The following OSBPL5 variants were observed in gnomAD, a reference collection of about 807,000 sequenced individuals.
The protein encoded by OSBPL5 is oxysterol-binding protein-related protein 5.
A neutral mutation model predicts 111.2 loss-of-function variants in OSBPL5; 71 were observed. The observed-to-expected ratio is 0.64, with a 90% confidence interval of 0.53 to 0.78. The LOEUF is 0.78. Among genes scored for constraint, OSBPL5 ranks in the 30% least tolerant of loss-of-function variants. OSBPL5 has a pLI of 0.00. For missense variants in OSBPL5, 1,210 were observed against 1,189.3 expected (o/e 1.02, Z -0.26); for synonymous variants, 549 against 513.9 (o/e 1.07, Z -0.93).
chr11:3,117,630 T>A (rs1336377646), intron 7 of OSBPL5, among the ~76,000 whole-genome samples: 1 of 152,238 alleles, frequency 6.6e-6, no homozygotes, highest in Non-Finnish European at 1.5e-5. Context: ...ACAGCTGTTG[T>A]TAGATTCTAC....
Position 3,126,681 on chromosome 11 carries a change from G to A in OSBPL5, c.137-126C>T, listed in dbSNP as rs1407786692. ...ACCTGGGAGGGGCAGGAAGTCAGCCGGAGGTGGTGGCAGGAACAGGACACT... is the reference window on the plus strand; with the variant it reads ...ACCTGGGAGGGGCAGGAAGTCAGCCAGAGGTGGTGGCAGGAACAGGACACT... On this transcript the variant is annotated intron_variant, in intron 2 of 21. Coordinates refer to ENST00000263650, the MANE Select transcript of OSBPL5 (RefSeq NM_020896.4). This position sits in a 1 kb window ranked among gnomAD's most constrained non-coding sequence, Gnocchi z 6.5. The A allele has an allele frequency of 5.7e-6, 4 of 697,874 alleles. No individual in the cohort carries two copies. The highest frequency in any genetic ancestry group is 3.9e-5 in the South Asian group (2 of 51,326). 43.2% of individuals were successfully genotyped at this position (697,874 alleles called of 1,614,324 possible).
In OSBPL5 at chr11:3,106,076, C is replaced by T. The variant is rs1441827928; in HGVS notation, c.1059+1187G>A. Reference sequence around the variant, plus strand: ...CTCAGCCTGAGGCCCCCAGGGCCCTCGGTCCACTCCCCATAGGCCCATCCT... The same window carrying T: ...CTCAGCCTGAGGCCCCCAGGGCCCTTGGTCCACTCCCCATAGGCCCATCCT... On this transcript the variant is annotated intron_variant, in intron 9 of 21. Coordinates refer to ENST00000263650, the MANE Select transcript of OSBPL5 (RefSeq NM_020896.4). This position sits in a 1 kb window ranked among gnomAD's most constrained non-coding sequence, Gnocchi z 8.4. Among the ~76,000 whole-genome samples, 2 of 152,024 alleles carry T rather than the reference C, an allele frequency of 1.3e-5. No homozygotes were observed. The highest frequency in any genetic ancestry group is 2.4e-5 in the African/African-American group (1 of 41,404).
chr11:3,107,168 T>G lies in OSBPL5; in HGVS notation c.1059+95A>C, dbSNP rs531116353. 2 of 1,412,014 alleles carry G rather than the reference T, an allele frequency of 1.4e-6. No individual in the cohort carries two copies. Among genetic ancestry groups the G allele is most frequent in the Non-Finnish European group, 1.9e-6 (2 of 1,045,242 alleles). 87.5% of individuals were successfully genotyped at this position (1,412,014 alleles called of 1,614,324 possible). ...CAAAAGCTACCCCCTGGGCCCTGCG[T>G]GCTCCCCCTAGGATGAGGCATGGCT... On this transcript the variant is annotated intron_variant, in intron 9 of 21. Coordinates refer to ENST00000263650, the MANE Select transcript of OSBPL5 (RefSeq NM_020896.4). This position sits in a 1 kb window ranked among gnomAD's most constrained non-coding sequence, Gnocchi z 6.1.
At position 3,126,092 on chromosome 11, in the gene OSBPL5, C is replaced by T. The variant is rs948209646; in HGVS notation, c.219+381G>A. Among the ~76,000 whole-genome samples the T allele has an allele frequency of 2.0e-5, 3 of 152,152 alleles. No individual in the cohort carries two copies. The highest frequency in any genetic ancestry group is 1.3e-4 in the Admixed American group (2 of 15,274). On this transcript the variant is annotated intron_variant, in intron 3 of 21. Transcript: ENST00000263650. The surrounding 1 kb of genome is among the most constrained non-coding windows in gnomAD (Gnocchi z 6.5). ...GGGTGGCCATGTAAGATGGTGCAGC[C>T]GCTGGGAAAGGAGTTTGGCAGTTCC... is the stretch of plus-strand genomic sequence containing the variant.
chr11:3,094,319 G>A lies in OSBPL5; in HGVS notation c.1637C>T (p.Thr546Met), dbSNP rs151056884. ...CTTCCCACCCAGCTCCAGGGTCATC[G>A]TGCCATACAGGATTCCTGAAATGCA... ...YAHCKGILYG[T>M]MTLELGGKVT... The change falls in exon 15 of 22, where the codon ACG becomes ATG. Residue 546 changes from threonine to methionine, a missense_variant. Transcript: ENST00000263650. 67 of 1,613,408 alleles carry A rather than the reference G, an allele frequency of 4.2e-5. 1 individual carries two copies. The East Asian group carries it at 4.7e-4, about 11-fold the overall frequency.
chr11:3,103,882 AGCCCCATTCCT>A (rs1564830886), intron 10 of OSBPL5, among the ~76,000 whole-genome samples: 1,144 of 15,134 alleles, frequency 0.076, 18 homozygotes, highest in Middle Eastern at 0.2. Flanking sequence ...CTGCCTCTGT[AGCCCCATTCCT>A]GCCTCTGCAG....
intron 21 of OSBPL5, among the ~76,000 whole-genome samples, chr11:3,089,516 G>C (rs921284779): frequency 2.0e-5 from 3 of 152,176 alleles, no homozygotes; most frequent in Admixed American, 6.5e-5. Flanking sequence ...CTGCCACCTC[G>C]CTCTGCACAC....
chr11:3,159,659 C>T (rs971558205), intron 1 of OSBPL5, among the ~76,000 whole-genome samples: 16 of 152,136 alleles, frequency 1.1e-4, no homozygotes, highest in African/African-American at 3.6e-4. Context: ...GAGGGTCTGC[C>T]GGCAGAGACA....
In OSBPL5 at chr11:3,130,200, G is replaced by A. The variant is rs1318278137; in HGVS notation, c.-21-1031C>T. On this transcript the variant is annotated intron_variant, in intron 1 of 21. Transcript: ENST00000263650. The surrounding 1 kb of genome is among the most constrained non-coding windows in gnomAD (Gnocchi z 4.5). ...GAGTGGAAGGCCTCGACCTGTAATC[G>A]TGACCTGACAAGGGTTGGCAGAGCA... Among the ~76,000 whole-genome samples the A allele has an allele frequency of 2.0e-5, 3 of 152,220 alleles. No homozygotes were observed. The highest frequency in any genetic ancestry group is 4.4e-5 in the Non-Finnish European group (3 of 68,040).
intron 6 of OSBPL5, chr11:3,120,082 G>A (rs1858349241): frequency 4.3e-6 from 2 of 470,084 alleles, no homozygotes. Context: ...ACCCGTTAGA[G>A]CTGGCAGGGC....
At chr11:3,089,142 T>G (rs997226797) in intron 21 of OSBPL5, among the ~76,000 whole-genome samples, 2 of 152,184 alleles carry the variant, frequency 1.3e-5, no homozygotes, top group Non-Finnish European at 2.9e-5. Flanking sequence ...CTTCTGGAAA[T>G]GCTTACACAG....
In OSBPL5 at chr11:3,121,394, T is replaced by C. The variant is rs540029787; in HGVS notation, c.402+603A>G. 1.1e-4 allele frequency among the ~76,000 whole-genome samples: 17 copies of C among 152,260 alleles called. No individual in the cohort carries two copies. Among genetic ancestry groups the C allele is most frequent in the Admixed American group, 3.9e-4 (6 of 15,290 alleles). On this transcript the variant is annotated intron_variant, in intron 5 of 21. Transcript: ENST00000263650. The surrounding 1 kb of genome is among the most constrained non-coding windows in gnomAD (Gnocchi z 4.3). ...TAAATTCTGAAAGTAGTTGTCTTCT[T>C]TTCTCATTCTAAATACTCACTTTTG...
At chr11:3,164,997 G>T (rs1304237306) in intron 1 of OSBPL5, among the ~76,000 whole-genome samples, 3 of 148,728 alleles carry the variant, frequency 2.0e-5, no homozygotes, top group Non-Finnish European at 4.4e-5. Context: ...AGGCTCCCGC[G>T]CTCCCCAGCT....
At chr11:3,155,904 C>T (rs1016760593) in intron 1 of OSBPL5, among the ~76,000 whole-genome samples, 1 of 152,256 alleles carries the variant, frequency 6.6e-6, no homozygotes. Flanking sequence ...GAACCTCAGC[C>T]GGACCCCACC....
At chr11:3,112,882 A>G (rs1349647703) in intron 7 of OSBPL5, among the ~76,000 whole-genome samples, 1 of 152,180 alleles carries the variant, frequency 6.6e-6, no homozygotes, top group Non-Finnish European at 1.5e-5. Context: ...TTAATATGCA[A>G]ATTTAAGGCT....
intron 4 of OSBPL5, 48 bp downstream of exon 4, chr11:3,122,300 G>A (rs377471301): frequency 2.6e-5 from 41 of 1,579,018 alleles, no homozygotes; most frequent in East Asian, 4.5e-5. Flanking sequence ...TCAGGTGGCC[G>A]TCGGTCTGAC....
At chr11:3,112,478 C>CTTTTTTT (rs559601032) in intron 7 of OSBPL5, among the ~76,000 whole-genome samples, 74 of 108,690 alleles carry the variant, frequency 6.8e-4, no homozygotes, top group Non-Finnish European at 9.6e-4. Context: ...GTTTTCTTTT[C>CTTTTTTT]TTTTTTTTTT....
chr11:3,122,976 C>T (rs919611145), intron 3 of OSBPL5, among the ~76,000 whole-genome samples: 1 of 152,224 alleles, frequency 6.6e-6, no homozygotes, highest in African/African-American at 2.4e-5. Flanking sequence ...CCCTACGGTA[C>T]CCAGCATGGC....
intron 1 of OSBPL5, among the ~76,000 whole-genome samples, chr11:3,151,838 C>T (rs1846597527): frequency 6.6e-6 from 1 of 152,250 alleles, no homozygotes; most frequent in South Asian, 2.1e-4. Flanking sequence ...TCTCCTGCCT[C>T]CCTGGGGCGG....
Sources: gnomAD v4.1 joint callset for allele counts (sites outside exome capture counted in the v4.1 genomes callset) on GRCh38, gnomAD v4.1.1 for gene constraint, Gnocchi (gnomAD v3.1) non-coding constraint, MANE v1.5 for transcripts, NCBI Gene and HGNC (gene_info 2026-07-23, HGNC 2026-07-21) for gene names.